Variants in GPC5 observed in about 807,000 individuals in gnomAD.
GPC5 encodes the protein glypican-5.
Under a neutral mutation model 53.9 loss-of-function variants are expected in GPC5, and 47 were observed. The ratio of observed to expected loss-of-function variants is 0.87; its 90% CI spans 0.69 to 1.11. The LOEUF (loss-of-function observed/expected upper bound fraction) is 1.11, where lower values mean the gene tolerates loss of function less well. GPC5 is among the 50% of genes most tolerant of loss of function. The pLI is 0.00. For missense variants in GPC5, 748 were observed against 713.1 expected (o/e 1.05, Z -0.56); for synonymous variants, 286 against 263.3 (o/e 1.09, Z -0.84).
chr13:92,038,444 T>C (rs1286709655), intron 6 of GPC5, among the ~76,000 whole-genome samples: 2 of 151,516 alleles, frequency 1.3e-5, no homozygotes, highest in Admixed American at 6.6e-5. Context: ...CTGTATAGTA[T>C]AGATCTATGT....
At chr13:92,123,064 A>G (rs2041664249) in intron 6 of GPC5, among the ~76,000 whole-genome samples, 1 of 152,128 alleles carries the variant, frequency 6.6e-6, no homozygotes, top group Non-Finnish European at 1.5e-5. Context: ...CTTATCACTT[A>G]TTTATAAATA....
intron 7 of GPC5, among the ~76,000 whole-genome samples, chr13:92,751,882 G>A (rs1889413746): frequency 1.3e-5 from 2 of 152,118 alleles, no homozygotes; most frequent in East Asian, 1.9e-4. Flanking sequence ...GGCCAACTAG[G>A]TTATTGCCTC....
chr13:92,862,718 A>G (rs929693844), intron 7 of GPC5, among the ~76,000 whole-genome samples: 1 of 152,166 alleles, frequency 6.6e-6, no homozygotes, highest in Non-Finnish European at 1.5e-5. Context: ...CACACTGTAT[A>G]TTCACTCTCC....
chr13:91,877,719 G>A (rs1369042164), intron 5 of GPC5, among the ~76,000 whole-genome samples: 1 of 152,154 alleles, frequency 6.6e-6, no homozygotes, highest in African/African-American at 2.4e-5. Flanking sequence ...AGACTTTGTG[G>A]AACAGTTTGT....
At chr13:92,338,754 A>C (rs2043342814) in intron 7 of GPC5, among the ~76,000 whole-genome samples, 1 of 152,114 alleles carries the variant, frequency 6.6e-6, no homozygotes, top group Non-Finnish European at 1.5e-5. Context: ...GGGATGAAAG[A>C]TGGAGCACAG....
chr13:91,755,575 T>G (rs1325897050), intron 4 of GPC5, among the ~76,000 whole-genome samples: 2 of 152,138 alleles, frequency 1.3e-5, no homozygotes, highest in East Asian at 3.8e-4. Context: ...GTTTCTAAAT[T>G]AAAACAAAAC....
intron 1 of GPC5, among the ~76,000 whole-genome samples, chr13:91,421,969 C>T (rs1878668250): frequency 6.6e-6 from 1 of 152,170 alleles, no homozygotes; most frequent in African/African-American, 2.4e-5. Flanking sequence ...GAAGCATCAC[C>T]CTGGAGCCAA....
At chr13:92,381,175 C>A (rs1169314308) in intron 7 of GPC5, among the ~76,000 whole-genome samples, 1 of 152,126 alleles carries the variant, frequency 6.6e-6, no homozygotes, top group Non-Finnish European at 1.5e-5. Context: ...CTGGTCTGAG[C>A]ATTGTACCTT....
At chr13:92,443,980 C>A (rs779448493) in intron 7 of GPC5, among the ~76,000 whole-genome samples, 6 of 152,106 alleles carry the variant, frequency 3.9e-5, no homozygotes, top group Non-Finnish European at 8.8e-5. Flanking sequence ...TGCTCAGCTG[C>A]TACATGTGGG....
At chr13:91,466,709 G>A (rs2033260888) in intron 2 of GPC5, among the ~76,000 whole-genome samples, 1 of 152,056 alleles carries the variant, frequency 6.6e-6, no homozygotes, top group Non-Finnish European at 1.5e-5. Flanking sequence ...AGAGGACTAG[G>A]TAACTGGTGA....
At chr13:91,979,243 A>G (rs2040335605) in intron 6 of GPC5, among the ~76,000 whole-genome samples, 2 of 152,156 alleles carry the variant, frequency 1.3e-5, no homozygotes, top group African/African-American at 4.8e-5. Flanking sequence ...AATCTGTGTC[A>G]TTAACATCAC....
rs187687993 is a variant in GPC5 at position 91,834,214 on chromosome 13, A to C, written c.1281-73723A>C. Among the ~76,000 whole-genome samples the C allele has an allele frequency of 1.1e-4, 17 of 152,306 alleles. No individual in the cohort carries two copies. In the East Asian group the frequency reaches 3.3e-3, roughly 29 times the overall value. ...GGATGTGAAGGAACTCTTCAAGGAG[A>C]ATTACAAACCACTGCTCAAGGCAAT... On this transcript the variant is annotated intron_variant, in intron 5 of 7. Transcript: ENST00000377067.
At chr13:92,123,259 A>G (rs1164969693) in intron 6 of GPC5, among the ~76,000 whole-genome samples, 2 of 151,826 alleles carry the variant, frequency 1.3e-5, no homozygotes, top group African/African-American at 4.8e-5. Flanking sequence ...AAAAAAAACT[A>G]TTTGGTTTTG....
intron 6 of GPC5, among the ~76,000 whole-genome samples, chr13:92,024,140 T>G (rs1472585383): frequency 6.6e-6 from 1 of 152,164 alleles, no homozygotes; most frequent in Non-Finnish European, 1.5e-5. Context: ...GAATCAATAT[T>G]TAATTTCAGA....
At chr13:92,213,188 T>G (rs1594001545) in intron 7 of GPC5, among the ~76,000 whole-genome samples, 1 of 152,332 alleles carries the variant, frequency 6.6e-6, no homozygotes, top group Non-Finnish European at 1.5e-5. Context: ...GATATGTCCT[T>G]TAGTTAACAG....
At chr13:91,855,633 G>A (rs7984514) in intron 5 of GPC5, among the ~76,000 whole-genome samples, 32,818 of 151,280 alleles carry the variant, frequency 0.22, 4,361 homozygotes, top group African/African-American at 0.36. Context: ...TACTGCCAGG[G>A]CATAAGAAAT....
chr13:92,257,546 A>ATTGTTTTTTTTTTTTTTTTTTT (rs2042735153), intron 7 of GPC5, among the ~76,000 whole-genome samples: 1 of 72,966 alleles, frequency 1.4e-5, no homozygotes, highest in African/African-American at 7.7e-5. Context: ...TAATACAGGG[A>ATTGTTTTTTTTTTTTTTTTTTT]TTTTTTTTTT....
intron 6 of GPC5, among the ~76,000 whole-genome samples, chr13:92,115,334 G>T (rs184942336): frequency 6.6e-6 from 1 of 152,062 alleles, no homozygotes; most frequent in Non-Finnish European, 1.5e-5. Flanking sequence ...TGGAGAAAGC[G>T]CATCTCTACT....
intron 6 of GPC5, among the ~76,000 whole-genome samples, chr13:91,926,984 G>A (rs2039775483): frequency 6.6e-6 from 1 of 152,138 alleles, no homozygotes; most frequent in African/African-American, 2.4e-5. Flanking sequence ...ATTAGATGAG[G>A]AAAGGAACAT....
Sources: allele counts gnomAD v4.1 joint callset (sites outside exome capture counted in the v4.1 genomes callset), GRCh38; gene constraint gnomAD v4.1.1; transcripts MANE v1.5; gene names NCBI Gene and HGNC (gene_info 2026-07-23, HGNC 2026-07-21).